The following PRKN variants were observed in gnomAD, a reference collection of about 807,000 sequenced individuals.
The protein encoded by PRKN is E3 ubiquitin-protein ligase parkin.
PRKN carries 56 observed loss-of-function variants against 59.5 expected under a neutral mutation model. The ratio of observed to expected loss-of-function variants is 0.94; its 90% CI spans 0.76 to 1.18. The LOEUF is 1.18. Among genes scored for constraint, PRKN ranks in the 50% most tolerant of loss-of-function variants. The pLI, the probability that PRKN is intolerant of heterozygous loss-of-function variation, is 0.00. For missense variants in PRKN, 657 were observed against 596.4 expected (o/e 1.10, Z -1.06); for synonymous variants, 250 against 222.1 (o/e 1.13, Z -1.12).
chr6:162,249,808 A>G (rs1408805495), intron 3 of PRKN, among the ~76,000 whole-genome samples: 1 of 152,144 alleles, frequency 6.6e-6, no homozygotes, highest in East Asian at 1.9e-4. Context: ...CTGGATGAAA[A>G]TAGCATTTTT....
intron 1 of PRKN, among the ~76,000 whole-genome samples, chr6:162,662,792 T>C (rs916463348): frequency 2.6e-5 from 4 of 152,230 alleles, no homozygotes; most frequent in African/African-American, 4.8e-5. Flanking sequence ...GTGTGTATTT[T>C]TATACCAGTA....
intron 1 of PRKN, among the ~76,000 whole-genome samples, chr6:162,614,769 T>C (rs1782335196): frequency 2.6e-5 from 4 of 152,302 alleles, no homozygotes; most frequent in African/African-American, 9.6e-5. Context: ...CTCAAGTCTG[T>C]ATTTTTTTAA....
rs943893631 is a variant in PRKN at position 162,304,659 on chromosome 6, G to T, written c.172-41894C>A. On this transcript the variant is annotated intron_variant, in intron 2 of 11. Coordinates refer to ENST00000366898, the MANE Select transcript of PRKN (RefSeq NM_004562.3). ...GACTTGGGGAACTTTTCAACATTTTGTTACTCCACTGGCTTTTCACACAAA... is the reference window on the plus strand; with the variant it reads ...GACTTGGGGAACTTTTCAACATTTTTTTACTCCACTGGCTTTTCACACAAA... 8.6e-5 allele frequency among the ~76,000 whole-genome samples: 13 copies of T among 150,448 alleles called. 2 individuals are homozygous for T. Among genetic ancestry groups the T allele is most frequent in the Admixed American group, 3.3e-4 (5 of 15,154 alleles).
chr6:162,713,363 G>A (rs770752409), intron 1 of PRKN, among the ~76,000 whole-genome samples: 28 of 152,000 alleles, frequency 1.8e-4, no homozygotes, highest in Non-Finnish European at 3.7e-4. Flanking sequence ...GCGTGCTGGC[G>A]GGCGCCTGTA....
At chr6:162,697,730 AAC>A (rs1441847871) in intron 1 of PRKN, among the ~76,000 whole-genome samples, 2 of 152,208 alleles carry the variant, frequency 1.3e-5, no homozygotes, top group Non-Finnish European at 2.9e-5. Flanking sequence ...CATTTATGGA[AAC>A]AATTTTTGCA....
intron 4 of PRKN, among the ~76,000 whole-genome samples, chr6:162,164,058 C>G (rs1161079537): frequency 6.7e-6 from 1 of 149,184 alleles, no homozygotes; most frequent in African/African-American, 2.5e-5. Context: ...GTTGAGGAAG[C>G]CTGCCCCTCT....
intron 2 of PRKN, among the ~76,000 whole-genome samples, chr6:162,308,940 T>C (rs1782352613): frequency 6.6e-6 from 1 of 152,100 alleles, no homozygotes; most frequent in African/African-American, 2.4e-5. Flanking sequence ...ATGCAAATAC[T>C]CTGATTTCAA....
At chr6:162,657,785 T>C (rs945461277) in intron 1 of PRKN, among the ~76,000 whole-genome samples, 2 of 152,138 alleles carry the variant, frequency 1.3e-5, no homozygotes, top group Non-Finnish European at 1.5e-5. Flanking sequence ...CATTTCAGTA[T>C]GGTCTGGTGT....
intron 7 of PRKN, among the ~76,000 whole-genome samples, chr6:161,756,797 G>A (rs1311430069): frequency 6.6e-6 from 1 of 152,046 alleles, no homozygotes; most frequent in Non-Finnish European, 1.5e-5. Context: ...ACTTTGAAAA[G>A]GAAGAACAAA....
chr6:162,358,498 C>T (rs1031706329), intron 2 of PRKN, among the ~76,000 whole-genome samples: 6 of 152,130 alleles, frequency 3.9e-5, no homozygotes, highest in South Asian at 2.1e-4. Context: ...TGACTGTAAA[C>T]GTTTAAATGC....
At position 161,866,155 on chromosome 6, in the gene PRKN, G is replaced by A. The variant is rs76533307; in HGVS notation, c.735-80247C>T. Among the ~76,000 whole-genome samples, 1,290 of 152,184 alleles carry A rather than the reference G, an allele frequency of 8.5e-3. 13 individuals carry two copies. Among genetic ancestry groups the A allele is most frequent in the African/African-American group, 0.03 (1,239 of 41,514 alleles). On this transcript the variant is annotated intron_variant, in intron 6 of 11. Coordinates refer to ENST00000366898, the MANE Select transcript of PRKN (RefSeq NM_004562.3). Reference sequence around the variant, plus strand: ...TGGAACACACACATTTATCAAGTACGTTCACAATCTTATTTGGGCATGGTT... The same window carrying A: ...TGGAACACACACATTTATCAAGTACATTCACAATCTTATTTGGGCATGGTT...
chr6:161,849,671 C>A (rs1410543584), intron 6 of PRKN, among the ~76,000 whole-genome samples: 2 of 152,200 alleles, frequency 1.3e-5, no homozygotes, highest in African/African-American at 2.4e-5. Flanking sequence ...CAAATAAAAA[C>A]TCTTCAGTCG....
chr6:161,928,465 T>C (rs1262575116), intron 6 of PRKN, among the ~76,000 whole-genome samples: 1 of 152,174 alleles, frequency 6.6e-6, no homozygotes, highest in Non-Finnish European at 1.5e-5. Context: ...TTTCTTAGCT[T>C]CATAAAGTCC....
chr6:161,945,545 G>A (rs139039026), intron 6 of PRKN, among the ~76,000 whole-genome samples: 2 of 152,196 alleles, frequency 1.3e-5, no homozygotes, highest in African/African-American at 4.8e-5. Context: ...AAATAAGCTC[G>A]TTATGTTGCA....
At chr6:162,417,361 C>T (rs189089755) in intron 2 of PRKN, among the ~76,000 whole-genome samples, 2 of 152,252 alleles carry the variant, frequency 1.3e-5, no homozygotes, top group Non-Finnish European at 2.9e-5. Context: ...CCTTTCCTGC[C>T]CCCGGCAGCC....
intron 4 of PRKN, among the ~76,000 whole-genome samples, chr6:162,084,307 G>A (rs888020508): frequency 3.9e-5 from 6 of 152,012 alleles, no homozygotes; most frequent in Admixed American, 6.6e-5. Flanking sequence ...TAACATTTGC[G>A]ACCTACATCC....
intron 4 of PRKN, among the ~76,000 whole-genome samples, chr6:162,098,985 G>C (rs559447288): frequency 6.6e-6 from 1 of 152,156 alleles, no homozygotes; most frequent in African/African-American, 2.4e-5. Context: ...TTCACACACA[G>C]AAGCCATGCA....
In PRKN at chr6:161,454,872, C is replaced by A. The variant is rs1194397064; in HGVS notation, c.1084-67995G>T. Among the ~76,000 whole-genome samples the A allele has an allele frequency of 2.0e-5, 3 of 152,130 alleles. No homozygotes were observed. Among genetic ancestry groups the A allele is most frequent in the African/African-American group, 7.2e-5 (3 of 41,424 alleles). Reference sequence around the variant, plus strand: ...GCCTGTCTAAAGTCATCCTTCCACTCCCCCAGTTGTCTCAGTTTCTCTGTC... The same window carrying A: ...GCCTGTCTAAAGTCATCCTTCCACTACCCCAGTTGTCTCAGTTTCTCTGTC... On this transcript the variant is annotated intron_variant, in intron 9 of 11. Coordinates refer to ENST00000366898, the MANE Select transcript of PRKN (RefSeq NM_004562.3). This position sits in a 1 kb window ranked among gnomAD's most constrained non-coding sequence, Gnocchi z 4.6.
At chr6:162,005,837 G>GGGA (rs1782231057) in intron 5 of PRKN, among the ~76,000 whole-genome samples, 1 of 152,080 alleles carries the variant, frequency 6.6e-6, no homozygotes, top group Admixed American at 6.6e-5. Flanking sequence ...AGATGGGAAG[G>GGGA]AGAAAGGTTG....
Sources: allele counts gnomAD v4.1 joint callset (sites outside exome capture counted in the v4.1 genomes callset), GRCh38; gene constraint gnomAD v4.1.1; non-coding constraint Gnocchi (gnomAD v3.1); transcripts MANE v1.5; gene names NCBI Gene and HGNC (gene_info 2026-07-23, HGNC 2026-07-21).